The following MED12L variants were observed in gnomAD, a reference collection of about 807,000 sequenced individuals.
MED12L encodes the protein mediator of RNA polymerase II transcription subunit 12-like protein.
In MED12L, 60 loss-of-function variants were observed where a neutral mutation model predicts 281.3. The observed-to-expected ratio is 0.21, with a 90% confidence interval of 0.17 to 0.26. MED12L has a LOEUF of 0.26. MED12L is among the 10% of genes least tolerant of loss of function. The pLI is 1.00. For synonymous variants in MED12L, 974 were observed against 987.2 expected (o/e 0.99, Z 0.25); for missense variants, 2,146 against 2,680.9 (o/e 0.80, Z 4.41).
At chr3:151,178,124 C>T in intron 11 of MED12L, among the ~76,000 whole-genome samples, 1 of 135,892 alleles carries the variant, frequency 7.4e-6, no homozygotes, top group Non-Finnish European at 1.5e-5. Flanking sequence ...TGCCACTACA[C>T]TCCAGCCTGG....
At chr3:151,362,319 C>T (rs1012374777) in intron 21 of MED12L, among the ~76,000 whole-genome samples, 1 of 152,062 alleles carries the variant, frequency 6.6e-6, no homozygotes, top group African/African-American at 2.4e-5. Flanking sequence ...CCCTACCTAG[C>T]CTTCAAGATC....
intron 16 of MED12L, chr3:151,338,753 G>A: frequency 6.2e-7 from 1 of 1,613,916 alleles, no homozygotes; most frequent in African/African-American, 1.3e-5. Flanking sequence ...GGACAGTGTA[G>A]AGCAGTGGGA....
At chr3:151,428,049 T>C (rs977960410) in intron 43 of MED12L, among the ~76,000 whole-genome samples, 3 of 152,234 alleles carry the variant, frequency 2.0e-5, no homozygotes. Context: ...TAATTATTCA[T>C]GTGCTTGCTA....
At chr3:151,198,953 A>G (rs754254367) in intron 16 of MED12L, 8 of 1,613,898 alleles carry the variant, frequency 5.0e-6, no homozygotes, top group Admixed American at 1.7e-5. Context: ...TGGCACCATT[A>G]TAAGAAGGAC....
At chr3:151,281,082 T>C (rs1742728759) in intron 16 of MED12L, among the ~76,000 whole-genome samples, 2 of 151,964 alleles carry the variant, frequency 1.3e-5, no homozygotes, top group Non-Finnish European at 2.9e-5. Context: ...TCTATCTTCA[T>C]ATGTTTTTGA....
intron 43 of MED12L, among the ~76,000 whole-genome samples, chr3:151,418,038 C>T (rs1717825796): frequency 6.6e-6 from 1 of 150,428 alleles, no homozygotes; most frequent in Non-Finnish European, 1.5e-5. Context: ...GAACGAGATA[C>T]ACCTTTTGTT....
At chr3:151,419,889 C>G (rs1050957324) in intron 43 of MED12L, among the ~76,000 whole-genome samples, 1 of 128,530 alleles carries the variant, frequency 7.8e-6, no homozygotes, top group Non-Finnish European at 1.6e-5. Context: ...CAAGTGTATA[C>G]CTGCACAAAC....
intron 5 of MED12L, among the ~76,000 whole-genome samples, chr3:151,148,740 C>T (rs1384662573): frequency 6.6e-6 from 1 of 152,150 alleles, no homozygotes; most frequent in African/African-American, 2.4e-5. Flanking sequence ...TAGTGAGTTC[C>T]CACTGGCTTT....
intron 16 of MED12L, chr3:151,316,524 T>G (rs1748262945): frequency 6.6e-6 from 1 of 152,214 alleles, no homozygotes. Context: ...AATTACAGTT[T>G]TTAATCATTG....
chr3:151,317,290 TACAC>T (rs1748383473), intron 16 of MED12L, among the ~76,000 whole-genome samples: 1 of 151,960 alleles, frequency 6.6e-6, no homozygotes, highest in African/African-American at 2.4e-5. Flanking sequence ...TTTTTACACA[TACAC>T]AATGATAAGT....
chr3:151,374,181 C>A (rs1577484751), intron 27 of MED12L, among the ~76,000 whole-genome samples: 1 of 152,138 alleles, frequency 6.6e-6, no homozygotes, highest in East Asian at 1.9e-4. Context: ...TAAAATGTTA[C>A]ACATGGCCGG....
chr3:151,162,870 C>T (rs577703389), intron 8 of MED12L, among the ~76,000 whole-genome samples: 5 of 152,288 alleles, frequency 3.3e-5, no homozygotes, highest in South Asian at 2.1e-4. Flanking sequence ...CACTTAGTAA[C>T]GGTGACCTTG....
intron 16 of MED12L, chr3:151,294,517 C>T: frequency 6.2e-7 from 1 of 1,614,182 alleles, no homozygotes; most frequent in South Asian, 1.1e-5. Context: ...TTCGGCTTGA[C>T]TGACTTATGA....
At chr3:151,210,266 G>C (rs1210348030) in intron 16 of MED12L, among the ~76,000 whole-genome samples, 8 of 152,198 alleles carry the variant, frequency 5.3e-5, no homozygotes, top group African/African-American at 1.9e-4. Flanking sequence ...CCTTATGTGG[G>C]GGATGGGGTC....
chr3:151,352,421 G>A (rs963207349), intron 17 of MED12L, among the ~76,000 whole-genome samples: 99 of 152,284 alleles, frequency 6.5e-4, no homozygotes, highest in Non-Finnish European at 7.9e-4. Context: ...CCAGAAAGCT[G>A]TTAATTTGGG....
intron 17 of MED12L, among the ~76,000 whole-genome samples, chr3:151,352,853 GA>G (rs1303778574): frequency 1.3e-5 from 2 of 151,892 alleles, no homozygotes; most frequent in African/African-American, 4.8e-5. Context: ...AGGACTTAAA[GA>G]TTTTTAAAAA....
chr3:151,272,307 A>G (rs910902158), intron 16 of MED12L, among the ~76,000 whole-genome samples: 3 of 152,240 alleles, frequency 2.0e-5, no homozygotes, highest in Admixed American at 2.0e-4. Context: ...CAAGATAAAA[A>G]TAAAACAGGA....
At chr3:151,264,387 A>G (rs1312974833) in intron 16 of MED12L, among the ~76,000 whole-genome samples, 2 of 152,216 alleles carry the variant, frequency 1.3e-5, no homozygotes, top group African/African-American at 4.8e-5. Flanking sequence ...CGAGGGCAGT[A>G]GGAGTGTATT....
intron 26 of MED12L, among the ~76,000 whole-genome samples, chr3:151,370,573 G>A (rs1174588837): frequency 6.6e-6 from 1 of 152,182 alleles, no homozygotes; most frequent in Non-Finnish European, 1.5e-5. Flanking sequence ...CCTCCTCTGA[G>A]TGTAGGCGCT....
Sources: allele counts gnomAD v4.1 joint callset (sites outside exome capture counted in the v4.1 genomes callset), GRCh38; gene constraint gnomAD v4.1.1; transcripts MANE v1.5; gene names NCBI Gene and HGNC (gene_info 2026-07-23, HGNC 2026-07-21).